SLIT3: variants seen among roughly 807,000 people sequenced by gnomAD.
SLIT3 encodes slit homolog 3 protein.
In SLIT3, 68 loss-of-function variants were observed where a neutral mutation model predicts 184.0. The observed-to-expected ratio is 0.37, with a 90% CI of 0.30 to 0.45. The LOEUF (loss-of-function observed/expected upper bound fraction) is 0.45, where lower values mean the gene tolerates loss of function less well. Among genes scored for constraint, SLIT3 ranks in the 20% least tolerant of loss-of-function variants. The pLI is 1.00. For synonymous variants in SLIT3, 831 were observed against 828.6 expected, an observed-to-expected ratio of 1.00 and a Z score of -0.05; for missense variants, 1,707 against 2,026.0, an observed-to-expected ratio of 0.84 and a Z score of 3.02.
Position 168,765,924 on chromosome 5 carries a change from C to T in SLIT3, c.1460-3235G>A, listed in dbSNP as rs1003148177. 3.3e-5 allele frequency among the ~76,000 whole-genome samples: 5 copies of T among 151,520 alleles called. No homozygotes were observed. In the East Asian group the frequency reaches 7.8e-4, roughly 24 times the overall value. Reference sequence around the variant, plus strand: ...GTGATCACAGACAAGCTTTAATAGACGGGGGGGTGGGGGTAGGAGGTGGAA... The same window carrying T: ...GTGATCACAGACAAGCTTTAATAGATGGGGGGGTGGGGGTAGGAGGTGGAA... On this transcript the variant is annotated intron_variant, in intron 14 of 35. Transcript: ENST00000519560.
intron 4 of SLIT3, among the ~76,000 whole-genome samples, chr5:169,102,601 A>G (rs1401607851): frequency 6.6e-6 from 1 of 152,130 alleles, no homozygotes; most frequent in Admixed American, 6.5e-5. Flanking sequence ...AATACTTTTG[A>G]TCTGCAGTTG....
intron 29 of SLIT3, among the ~76,000 whole-genome samples, 184 bp downstream of exon 29, chr5:168,692,419 CACAG>C (rs925588941): frequency 5.9e-5 from 9 of 152,130 alleles, no homozygotes; most frequent in African/African-American, 1.4e-4. Context: ...TAGAGACACC[CACAG>C]ACAGACAGAG....
At chr5:169,026,452 C>T (rs1019120194) in intron 4 of SLIT3, 5 of 152,148 alleles carry the variant, frequency 3.3e-5, no homozygotes, top group African/African-American at 1.2e-4. Flanking sequence ...TATCAGGGAC[C>T]ACCCAAGTCC....
At chr5:169,197,982 CA>C (rs745494911) in intron 3 of SLIT3, among the ~76,000 whole-genome samples, 1 of 152,302 alleles carries the variant, frequency 6.6e-6, no homozygotes, top group Non-Finnish European at 1.5e-5. Context: ...CGAACCCATC[CA>C]TGTATCCATT....
intron 1 of SLIT3, among the ~76,000 whole-genome samples, chr5:169,259,247 C>T (rs1053222323): frequency 1.3e-5 from 2 of 150,206 alleles, no homozygotes; most frequent in Admixed American, 6.6e-5. Context: ...TTAGTAGAGA[C>T]GGGGTTTCAC....
At chr5:169,107,398 A>C (rs11741687) in intron 4 of SLIT3, among the ~76,000 whole-genome samples, 2,302 of 152,234 alleles carry the variant, frequency 0.015, 33 homozygotes, top group East Asian at 0.036. Context: ...AGCTCCCTGG[A>C]GCTAAGAGCT....
chr5:169,224,381 A>ATT (rs869158115), intron 3 of SLIT3, among the ~76,000 whole-genome samples: 6 of 74,762 alleles, frequency 8.0e-5, no homozygotes, highest in African/African-American at 2.7e-4. Context: ...TTATTTATTT[A>ATT]TTTATTTTTT....
intron 25 of SLIT3, 68 bp downstream of exon 25, chr5:168,710,827 G>A: frequency 7.5e-7 from 1 of 1,326,918 alleles, no homozygotes; most frequent in Admixed American, 3.2e-5. Context: ...ACCCTGCTCT[G>A]ACAGGTTGCT....
chr5:168,826,795 T>C (rs555771126), intron 6 of SLIT3, among the ~76,000 whole-genome samples: 16 of 152,338 alleles, frequency 1.1e-4, no homozygotes, highest in African/African-American at 3.8e-4. Flanking sequence ...AGAGTCTCGC[T>C]GTGTCGCCCA....
chr5:168,842,784 C>A (rs1183193426), intron 6 of SLIT3, among the ~76,000 whole-genome samples: 1 of 152,210 alleles, frequency 6.6e-6, no homozygotes, highest in East Asian at 1.9e-4. Context: ...ACCGTGAGGG[C>A]TGTCAGGTTG....
chr5:168,959,295 G>A (rs1762933380), intron 4 of SLIT3, among the ~76,000 whole-genome samples: 1 of 152,194 alleles, frequency 6.6e-6, no homozygotes, highest in South Asian at 2.1e-4. Flanking sequence ...GGGTATGCCT[G>A]TGCTATAGAG....
chr5:169,296,970 G>A (rs1252146061), intron 1 of SLIT3, among the ~76,000 whole-genome samples: 1 of 152,226 alleles, frequency 6.6e-6, no homozygotes, highest in Non-Finnish European at 1.5e-5. Context: ...CCGTGTGAGA[G>A]TTCATTTTCA....
At chr5:169,117,911 G>A (rs1013929004) in intron 4 of SLIT3, among the ~76,000 whole-genome samples, 2 of 152,192 alleles carry the variant, frequency 1.3e-5, no homozygotes, top group African/African-American at 4.8e-5. Context: ...GCACGAACTA[G>A]CATAACTAAG....
intron 14 of SLIT3, among the ~76,000 whole-genome samples, chr5:168,764,310 A>T (rs1185045469): frequency 6.6e-6 from 1 of 152,204 alleles, no homozygotes; most frequent in African/African-American, 2.4e-5. Flanking sequence ...TTTCAAATGA[A>T]TGATCTCATT....
At chr5:169,209,742 AC>A (rs1185041473) in intron 3 of SLIT3, among the ~76,000 whole-genome samples, 1 of 152,192 alleles carries the variant, frequency 6.6e-6, no homozygotes, top group Non-Finnish European at 1.5e-5. Context: ...TGGGAGTTGA[AC>A]AACGAGAACA....
At chr5:169,127,715 G>A (rs1023231177) in intron 4 of SLIT3, among the ~76,000 whole-genome samples, 4 of 152,200 alleles carry the variant, frequency 2.6e-5, no homozygotes, top group African/African-American at 9.6e-5. Context: ...ACCTGTGTGA[G>A]TGAATGAATG....
At chr5:168,941,693 A>T (rs1239021240) in intron 4 of SLIT3, among the ~76,000 whole-genome samples, 3 of 152,228 alleles carry the variant, frequency 2.0e-5, no homozygotes, top group Non-Finnish European at 4.4e-5. Flanking sequence ...ACGGATCATG[A>T]TAAAAGGCTC....
intron 1 of SLIT3, among the ~76,000 whole-genome samples, chr5:169,275,622 A>T (rs766581521): frequency 2.0e-5 from 3 of 152,172 alleles, no homozygotes; most frequent in Non-Finnish European, 4.4e-5. Context: ...GGCACTTCTT[A>T]TATGACAGCA....
chr5:168,940,718 G>A (rs1241704273), intron 4 of SLIT3, among the ~76,000 whole-genome samples: 1 of 152,080 alleles, frequency 6.6e-6, no homozygotes, highest in Non-Finnish European at 1.5e-5. Flanking sequence ...TGGGCTTTTC[G>A]GGACAGTTTT....
Sources: allele counts gnomAD v4.1 joint callset (sites outside exome capture counted in the v4.1 genomes callset), GRCh38; gene constraint gnomAD v4.1.1; transcripts MANE v1.5; gene names NCBI Gene and HGNC (gene_info 2026-07-23, HGNC 2026-07-21).